The following SPNS2 variants were observed in gnomAD, a reference collection of about 807,000 sequenced individuals.
SPNS2 encodes the protein SPNS lysolipid transporter 2, sphingosine-1-phosphate.
A neutral mutation model predicts 57.6 loss-of-function variants in SPNS2; 37 were observed. The observed-to-expected ratio is 0.64, with a 90% CI of 0.49 to 0.85. SPNS2 has a LOEUF of 0.85. Ranked by LOEUF, SPNS2 falls within the 40% of genes least tolerant of loss-of-function variation. The probability of loss-of-function intolerance (pLI) is 0.00; values close to 1 mark genes in which losing one functional copy is unlikely to be tolerated. For synonymous variants in SPNS2, 440 were observed against 346.9 expected, an observed-to-expected ratio of 1.27 and a Z score of -2.98; for missense variants, 831 against 779.1, an observed-to-expected ratio of 1.07 and a Z score of -0.79.
intron 1 of SPNS2, among the ~76,000 whole-genome samples, chr17:4,505,548 C>T (rs1380282352): frequency 2.0e-5 from 3 of 152,224 alleles, no homozygotes; most frequent in Non-Finnish European, 2.9e-5. Flanking sequence ...CTGGGCAGAG[C>T]GGCTTTTCTA....
At chr17:4,533,171 C>G (rs370911335) in intron 7 of SPNS2, 42 bp downstream of exon 7, 1 of 1,582,936 alleles carries the variant, frequency 6.3e-7, no homozygotes, top group South Asian at 1.1e-5. Flanking sequence ...TGAGGGACCT[C>G]GGACAGGAGA....
intron 2 of SPNS2, among the ~76,000 whole-genome samples, chr17:4,517,676 G>A (rs1905029813): frequency 6.6e-6 from 1 of 152,088 alleles, no homozygotes; most frequent in Admixed American, 6.6e-5. Flanking sequence ...AATTAATAGA[G>A]CATACAGTTC....
At chr17:4,524,108 T>G (rs904427107) in intron 2 of SPNS2, among the ~76,000 whole-genome samples, 1 of 152,184 alleles carries the variant, frequency 6.6e-6, no homozygotes, top group Non-Finnish European at 1.5e-5. Flanking sequence ...GTCTAGCAGG[T>G]GCGAAATCTG....
intron 7 of SPNS2, 26 bp downstream of exon 7, chr17:4,533,155 G>A (rs1905578181): frequency 6.3e-7 from 1 of 1,591,206 alleles, no homozygotes; most frequent in Non-Finnish European, 8.6e-7. Context: ...GTGGGCCCAG[G>A]GCTGGTGAGG....
intron 2 of SPNS2, among the ~76,000 whole-genome samples, chr17:4,517,332 C>T (rs1206318249): frequency 6.6e-6 from 1 of 152,180 alleles, no homozygotes; most frequent in Non-Finnish European, 1.5e-5. Flanking sequence ...GGACACGGGA[C>T]AATTTCCACT....
intron 1 of SPNS2, among the ~76,000 whole-genome samples, chr17:4,507,896 C>T (rs1486259164): frequency 1.3e-5 from 2 of 152,220 alleles, no homozygotes; most frequent in African/African-American, 4.8e-5. Flanking sequence ...TGTGGATTTC[C>T]TCTTACACCT....
At chr17:4,520,720 G>A (rs1308056285) in intron 2 of SPNS2, among the ~76,000 whole-genome samples, 1 of 152,146 alleles carries the variant, frequency 6.6e-6, no homozygotes, top group Non-Finnish European at 1.5e-5. Flanking sequence ...TGGCAGTCTG[G>A]GGAGTGATTT....
At chr17:4,533,518 T>C (rs1905601021) in intron 8 of SPNS2, 86 bp downstream of exon 8, 3 of 1,386,004 alleles carry the variant, frequency 2.2e-6, no homozygotes, top group South Asian at 2.8e-5. Flanking sequence ...TCTGACTTAC[T>C]GGATGTTCCC....
At chr17:4,530,016 C>T (rs1399473009) in intron 3 of SPNS2, among the ~76,000 whole-genome samples, 2 of 152,082 alleles carry the variant, frequency 1.3e-5, no homozygotes, top group South Asian at 2.1e-4. Flanking sequence ...AGCTGGGGGA[C>T]GGAGGGAGCA....
intron 2 of SPNS2, among the ~76,000 whole-genome samples, chr17:4,519,551 G>A (rs532708945): frequency 5.7e-5 from 8 of 141,320 alleles, no homozygotes; most frequent in South Asian, 2.3e-4. Context: ...GGCCCTGCCC[G>A]CTCGGCCCTG....
In SPNS2 at chr17:4,535,384, G is replaced by A. The variant is rs552988662; in HGVS notation, c.1345-692G>A. Among the ~76,000 whole-genome samples, 19 of 152,334 alleles carry A rather than the reference G, an allele frequency of 1.2e-4. No individual in the cohort carries two copies. In the South Asian group the frequency reaches 3.9e-3, roughly 32 times the overall value. On this transcript the variant is annotated intron_variant, in intron 9 of 12. Coordinates refer to ENST00000329078, the MANE Select transcript of SPNS2 (RefSeq NM_001124758.3). ...GTCGAGGCCTGGCTTGGTCCTCAGG[G>A]AGGGGAACCAAGATGGGTCTTTAGC...
chr17:4,535,792 G>C (rs1905751997), intron 9 of SPNS2, among the ~76,000 whole-genome samples: 1 of 152,116 alleles, frequency 6.6e-6, no homozygotes, highest in Non-Finnish European at 1.5e-5. Context: ...GTCTGGGTTG[G>C]AGGTGTGGAA....
At position 4,537,460 on chromosome 17, in the gene SPNS2, T is replaced by C. The variant is rs1905913769; in HGVS notation, c.*12T>C. On this transcript the variant is annotated 3_prime_UTR_variant, in exon 13 of 13. Coordinates refer to ENST00000329078, the MANE Select transcript of SPNS2 (RefSeq NM_001124758.3). ...TGACACCCCTTTCCCCAGGTGCCAT[T>C]GGGACAATGAAGAACCCACACTCCC... 4.4e-6 allele frequency: 2 copies of C among 452,378 alleles called. No individual in the cohort carries two copies. The highest frequency in any genetic ancestry group is 8.9e-6 in the Non-Finnish European group (2 of 223,578). The allele number at this position is 452,378 out of a possible 1,614,324, so 28.0% of individuals were successfully genotyped here.
In SPNS2 at chr17:4,537,690, T is replaced by G. The variant is rs777219426; in HGVS notation, c.*242T>G. 1 of 456,772 alleles carries G rather than the reference T, an allele frequency of 2.2e-6. No individual in the cohort carries two copies. The highest frequency in any genetic ancestry group is 1.5e-5 in the South Asian group (1 of 64,578). 28.3% of individuals were successfully genotyped at this position (456,772 alleles called of 1,614,324 possible). Reference sequence around the variant, plus strand: ...TTGGACAGGTTCCCAGCCCTAGGTTTGGGCCGCAGGGCCCCTGGGGCCAAG... The same window carrying G: ...TTGGACAGGTTCCCAGCCCTAGGTTGGGGCCGCAGGGCCCCTGGGGCCAAG... On this transcript the variant is annotated 3_prime_UTR_variant, in exon 13 of 13. Coordinates refer to ENST00000329078, the MANE Select transcript of SPNS2 (RefSeq NM_001124758.3).
At chr17:4,531,225 C>A (rs1905455542) in intron 5 of SPNS2, 106 bp downstream of exon 5, 1 of 1,028,724 alleles carries the variant, frequency 9.7e-7, no homozygotes. Flanking sequence ...CAGGATTCCT[C>A]CCCTGGCTGC....
intron 2 of SPNS2, among the ~76,000 whole-genome samples, chr17:4,523,944 T>C (rs917737000): frequency 1.3e-5 from 2 of 152,216 alleles, no homozygotes; most frequent in Non-Finnish European, 2.9e-5. Context: ...TTGATTGATA[T>C]ATCCCAAACA....
rs67710825 is a variant in SPNS2 at position 4,516,316 on chromosome 17, CAAAAAAAAAAAAAA to C, written c.436+3018_436+3031del. ...GTGACAGAGTGAGACTCTATCTCCC[CAAAAAAAAAAAAAA>C]AAAAAAAAAAAAACAAAAAAACCGC... On this transcript the variant is annotated intron_variant, in intron 2 of 12. Coordinates refer to ENST00000329078, the MANE Select transcript of SPNS2 (RefSeq NM_001124758.3). Among the ~76,000 whole-genome samples the C allele has an allele frequency of 6.7e-3, 454 of 67,494 alleles. 13 individuals carry two copies. The highest frequency in any genetic ancestry group is 0.014 in the South Asian group (19 of 1,402). 44.3% of individuals were successfully genotyped at this position (67,494 alleles called of 152,430 possible).
intron 3 of SPNS2, among the ~76,000 whole-genome samples, chr17:4,526,744 A>T (rs1198021431): frequency 6.6e-6 from 1 of 152,162 alleles, no homozygotes; most frequent in East Asian, 1.9e-4. Context: ...GCTCTGGAAA[A>T]GTTTGAAGAA....
chr17:4,536,433 G>GA lies in SPNS2; in HGVS notation c.1607+7_1607+8insA. 6.7e-7 allele frequency: 1 copy of GA among 1,500,366 alleles called. No individual in the cohort carries two copies. Among genetic ancestry groups the GA allele is most frequent in the South Asian group, 1.1e-5 (1 of 87,410 alleles). The allele number at this position is 1,500,366 out of a possible 1,614,324, so 92.9% of individuals were successfully genotyped here. On this transcript the variant is annotated splice_region_variant and intron_variant, in intron 11 of 12. Transcript: ENST00000329078. ...GCGCCAGGGCTGAGCAGCAGTGAGT[G>GA]GGGGGGAGGGGAGGCCCTGCTGCAC...
Sources: gnomAD v4.1 joint callset for allele counts (sites outside exome capture counted in the v4.1 genomes callset) on GRCh38, gnomAD v4.1.1 for gene constraint, MANE v1.5 for transcripts, NCBI Gene and HGNC (gene_info 2026-07-23, HGNC 2026-07-21) for gene names.